CRYZL1: variants seen among roughly 807,000 people sequenced by gnomAD.
The protein encoded by CRYZL1 is ferry endosomal RAB5 effector complex subunit 4.
Under a neutral mutation model 50.6 loss-of-function variants are expected in CRYZL1, and 34 were observed. The ratio of observed to expected loss-of-function variants is 0.67; its 90% CI spans 0.51 to 0.89. CRYZL1 has a LOEUF of 0.89. Ranked by LOEUF, CRYZL1 falls within the 40% of genes least tolerant of loss-of-function variation. The pLI is 0.00. For missense variants in CRYZL1, 354 were observed against 402.3 expected (o/e 0.88, Z 1.03); for synonymous variants, 125 against 134.3 (o/e 0.93, Z 0.48).
At chr21:33,613,504 T>C (rs756744864) in intron 6 of CRYZL1, 34 bp downstream of exon 6, 1 of 1,391,288 alleles carries the variant, frequency 7.2e-7, no homozygotes, top group South Asian at 1.2e-5. Flanking sequence ...AAGTAAGACT[T>C]ATGTGAGCTC....
In CRYZL1 at chr21:33,603,454, G is replaced by A; in HGVS notation, c.415C>T (p.Leu139Phe). ...GVRAYTALHY[L>F]SHLSPGKSVL... is the part of the protein sequence containing the mutation. ...GATTTTCCAGGAGAGAGATGAGAAA[G>A]ATAATGCAGAGCTGTATAGGCACGC... is the stretch of plus-strand genomic sequence containing the variant. Residue 139 changes from leucine (L) to phenylalanine (F), a missense_variant, in exon 7 of 13, where the codon CTT (leucine) becomes TTT (phenylalanine). Leu to Phe is a conservative substitution (Grantham distance 22). Transcript: ENST00000381554. 1 of 1,614,154 alleles carries A rather than the reference G, an allele frequency of 6.2e-7. No individual in the cohort carries two copies. Among genetic ancestry groups the A allele is most frequent in the Non-Finnish European group, 8.5e-7 (1 of 1,180,022 alleles).
chr21:33,621,127 G>A (rs1171248374), intron 4 of CRYZL1, among the ~76,000 whole-genome samples: 2 of 148,820 alleles, frequency 1.3e-5, no homozygotes, highest in Middle Eastern at 3.4e-3. Flanking sequence ...GGATGGTCTC[G>A]ATCTCCTGAC....
intron 9 of CRYZL1, 131 bp from the exon 10 acceptor site, chr21:33,597,532 C>G: frequency 1.4e-6 from 1 of 699,616 alleles, no homozygotes; most frequent in Non-Finnish European, 2.3e-6. Context: ...CCCAGGCTGG[C>G]CTGGACTCCA....
At chr21:33,606,292 C>G (rs970544853) in intron 6 of CRYZL1, among the ~76,000 whole-genome samples, 8 of 152,222 alleles carry the variant, frequency 5.3e-5, no homozygotes, top group African/African-American at 1.9e-4. Flanking sequence ...TTGGGACTAC[C>G]ATATTTTTAT....
chr21:33,629,718 T>C (rs2087115774), intron 2 of CRYZL1, among the ~76,000 whole-genome samples: 1 of 152,192 alleles, frequency 6.6e-6, no homozygotes. Flanking sequence ...TCGAATGCTC[T>C]TTCTTTCTTT....
At chr21:33,617,886 A>C (rs1211241604) in intron 4 of CRYZL1, among the ~76,000 whole-genome samples, 2 of 152,156 alleles carry the variant, frequency 1.3e-5, no homozygotes, top group African/African-American at 4.8e-5. Flanking sequence ...TTGGAAGTAG[A>C]AATTGGGCAT....
At chr21:33,592,143 CTTTT>C (rs1186073775) in intron 11 of CRYZL1, among the ~76,000 whole-genome samples, 2 of 129,442 alleles carry the variant, frequency 1.5e-5, no homozygotes, top group Non-Finnish European at 3.3e-5. Flanking sequence ...TTTTTCAGAG[CTTTT>C]TTTTTTTTTT....
intron 5 of CRYZL1, among the ~76,000 whole-genome samples, chr21:33,614,132 A>G (rs2086902066): frequency 6.8e-6 from 1 of 147,622 alleles, no homozygotes; most frequent in Non-Finnish European, 1.5e-5. Context: ...AGATTACACC[A>G]CTGCATTCCA....
Position 33,602,330 on chromosome 21 carries a change from C to A in CRYZL1, c.481G>T (p.Ala161Ser). The change falls in exon 8 of 13, where the codon GCT becomes TCT. Residue 161 changes from alanine (A) to serine (S), a missense_variant. Physicochemically the swap from Ala to Ser is moderately conservative, Grantham distance 99 (BLOSUM62 1). Coordinates refer to ENST00000381554, the MANE Select transcript of CRYZL1 (RefSeq NM_145858.3). The stretch of plus-strand genomic sequence containing the variant: ...CCTCTATGATGTGCTAACTGAATAG[C>A]TATTGTACCAAATGCCTGTGTAGAA... ...MDGASAFGTI[A>S]IQLAHHRGAK... is the part of the protein sequence containing the mutation. 1.3e-6 allele frequency: 2 copies of A among 1,598,574 alleles called. No individual in the cohort carries two copies. Among genetic ancestry groups the A allele is most frequent in the Non-Finnish European group, 1.7e-6 (2 of 1,165,938 alleles).
chr21:33,595,907 C>G, intron 10 of CRYZL1, 71 bp from the exon 11 acceptor site: 1 of 991,862 alleles, frequency 1.0e-6, no homozygotes, highest in East Asian at 2.4e-5. Context: ...TATCTCGAGT[C>G]AGAAAAACTT....
intron 1 of CRYZL1, among the ~76,000 whole-genome samples, chr21:33,633,356 C>G (rs2087163043): frequency 6.6e-6 from 1 of 152,176 alleles, no homozygotes; most frequent in Non-Finnish European, 1.5e-5. Flanking sequence ...TTACTCCTAA[C>G]CATGGCTTTT....
intron 11 of CRYZL1, chr21:33,595,012 A>G (rs1214918059): frequency 1.8e-5 from 4 of 220,016 alleles, no homozygotes; most frequent in African/African-American, 9.4e-5. Flanking sequence ...TTTTTATCCA[A>G]TACATTAAAA....
chr21:33,622,076 A>G lies in CRYZL1; in HGVS notation c.145-8T>C. The G allele has an allele frequency of 2.5e-6, 4 of 1,610,156 alleles. No homozygotes were observed. The highest frequency in any genetic ancestry group is 3.4e-6 in the Non-Finnish European group (4 of 1,176,910). ...CTTCATTTCTGCCAGAAGCTAAATC[A>G]TGACAAAGGCAGTTAACATACTATT... On this transcript the variant is annotated splice_polypyrimidine_tract_variant and splice_region_variant and intron_variant, in intron 3 of 12. Coordinates refer to ENST00000381554, the MANE Select transcript of CRYZL1 (RefSeq NM_145858.3).
Position 33,620,900 on chromosome 21 carries a change from A to AT in CRYZL1, c.217+1095dup, listed in dbSNP as rs770153924. Among the ~76,000 whole-genome samples the AT allele has an allele frequency of 1.0e-2, 1,127 of 112,766 alleles. 17 individuals are homozygous for AT. The highest frequency in any genetic ancestry group is 0.023 in the South Asian group (78 of 3,404). 74.0% of individuals were successfully genotyped at this position (112,766 alleles called of 152,430 possible). On this transcript the variant is annotated intron_variant, in intron 4 of 12. Coordinates refer to ENST00000381554, the MANE Select transcript of CRYZL1 (RefSeq NM_145858.3). ...TGTACCCGTAGACCAGGGGTGTCCA[A>AT]TCTTTTTTTTTTTTTTTTTTTTTTT...
At chr21:33,608,224 G>C (rs1291553501) in intron 6 of CRYZL1, among the ~76,000 whole-genome samples, 2 of 152,182 alleles carry the variant, frequency 1.3e-5, no homozygotes, top group African/African-American at 4.8e-5. Flanking sequence ...GGAGGCCGAG[G>C]TGGGCAGGTC....
Position 33,603,495 on chromosome 21 carries a change from C to T in CRYZL1, c.374G>A (p.Ser125Asn). 2 of 1,614,170 alleles carry T rather than the reference C, an allele frequency of 1.2e-6. No homozygotes were observed. Among genetic ancestry groups the T allele is most frequent in the South Asian group, 1.1e-5 (1 of 91,086 alleles). Reference protein sequence around the residue: ...EKVTWTEAAGSIRDGVRAYTA... With the variant: ...EKVTWTEAAGNIRDGVRAYTA... ...ATAGGCACGCACTCCATCCCGAATG[C>T]TTCCTGCTGCTTCCGTCCATGTGAC... Residue 125 changes from serine (S) to asparagine (N), a missense_variant, in exon 7 of 13, where the codon AGC becomes AAC. By Grantham distance (46) the Ser-to-Asn change is conservative. Transcript: ENST00000381554.
intron 2 of CRYZL1, among the ~76,000 whole-genome samples, chr21:33,625,685 T>C (rs1183713853): frequency 1.3e-5 from 2 of 151,852 alleles, no homozygotes; most frequent in African/African-American, 4.8e-5. Flanking sequence ...GGTATTGCTA[T>C]GTTGCCCAGG....
At chr21:33,608,918 G>A (rs545280391) in intron 6 of CRYZL1, among the ~76,000 whole-genome samples, 2 of 152,240 alleles carry the variant, frequency 1.3e-5, no homozygotes, top group South Asian at 4.1e-4. Flanking sequence ...TGATTTTTGA[G>A]GAACATTCAT....
intron 2 of CRYZL1, among the ~76,000 whole-genome samples, chr21:33,625,588 ATCC>A (rs1434757142): frequency 6.6e-6 from 1 of 151,954 alleles, no homozygotes; most frequent in Non-Finnish European, 1.5e-5. Flanking sequence ...GGCTTAAGTG[ATCC>A]TCCTGCCTCA....
Sources: gnomAD v4.1 joint callset for allele counts (sites outside exome capture counted in the v4.1 genomes callset) on GRCh38, gnomAD v4.1.1 for gene constraint, MANE v1.5 for transcripts, NCBI Gene and HGNC (gene_info 2026-07-23, HGNC 2026-07-21) for gene names.